Variants in SMYD3 observed in about 807,000 individuals in gnomAD.
The protein encoded by SMYD3 is SET and MYND domain containing 3.
In SMYD3, 36 loss-of-function variants were observed where a neutral mutation model predicts 57.7. The ratio of observed to expected loss-of-function variants is 0.62; its 90% CI spans 0.48 to 0.82. The LOEUF is 0.82. Among genes scored for constraint, SMYD3 ranks in the 40% least tolerant of loss-of-function variants. The pLI, the probability that SMYD3 is intolerant of heterozygous loss-of-function variation, is 0.00. For synonymous variants in SMYD3, 211 were observed against 195.0 expected, an observed-to-expected ratio of 1.08 and a Z score of -0.68; for missense variants, 515 against 538.8, an observed-to-expected ratio of 0.96 and a Z score of 0.44.
intron 5 of SMYD3, among the ~76,000 whole-genome samples, chr1:246,123,587 C>G (rs1261561833): frequency 6.7e-6 from 1 of 148,812 alleles, no homozygotes; most frequent in African/African-American, 2.5e-5. Context: ...CACACACACA[C>G]ACACACACAC....
rs113842312 is a variant in SMYD3 at position 246,059,631 on chromosome 1, G to GA, written c.532-129695dup. On this transcript the variant is annotated intron_variant, in intron 5 of 11. Coordinates refer to ENST00000490107, the MANE Select transcript of SMYD3 (RefSeq NM_001167740.2). ...GAGGCTGAGGAACAGATGGATTTAA[G>GA]AAAAAAAACCATTCCTTTCCTTTTA... Among the ~76,000 whole-genome samples the GA allele has an allele frequency of 1.7e-3, 260 of 151,612 alleles. 2 individuals carry two copies. The highest frequency in any genetic ancestry group is 6.4e-3 in the East Asian group (33 of 5,170).
chr1:245,944,880 A>G (rs4342821), intron 5 of SMYD3, among the ~76,000 whole-genome samples: 3,615 of 152,318 alleles, frequency 0.024, 68 homozygotes, highest in South Asian at 0.064. Context: ...GACAAAAGCA[A>G]TGGAGAAAGG....
At chr1:246,208,264 T>C (rs764253839) in intron 5 of SMYD3, among the ~76,000 whole-genome samples, 2 of 152,076 alleles carry the variant, frequency 1.3e-5, no homozygotes, top group Non-Finnish European at 2.9e-5. Context: ...GGCCCAGTCA[T>C]TGTGAACAAG....
chr1:245,764,176 G>A (rs1350394417), intron 10 of SMYD3, 27 bp from the exon 11 acceptor site: 1 of 1,497,996 alleles, frequency 6.7e-7, no homozygotes, highest in East Asian at 2.3e-5. Flanking sequence ...GGCAAACAGT[G>A]TCAGCAGCCC....
At position 245,752,826 on chromosome 1, in the gene SMYD3, C is replaced by G. The variant is rs2045446763; in HGVS notation, c.1186-3162G>C. Among the ~76,000 whole-genome samples the G allele has an allele frequency of 2.6e-5, 4 of 152,162 alleles. No individual in the cohort carries two copies. In the South Asian group the frequency reaches 8.3e-4, roughly 32 times the overall value. On this transcript the variant is annotated intron_variant, in intron 11 of 11. Coordinates refer to ENST00000490107, the MANE Select transcript of SMYD3 (RefSeq NM_001167740.2). The stretch of plus-strand genomic sequence containing the variant: ...GAAAGACCAGAAGGATCATCTAGTC[C>G]AATACCCTCATGTTATGGAAGGAAG...
chr1:246,415,571 T>G (rs1388172003), intron 1 of SMYD3, among the ~76,000 whole-genome samples: 17 of 152,146 alleles, frequency 1.1e-4, no homozygotes. Context: ...AAAAATTACA[T>G]AAATAAATAA....
intron 10 of SMYD3, among the ~76,000 whole-genome samples, chr1:245,775,568 A>C (rs866458502): frequency 6.6e-6 from 1 of 151,540 alleles, no homozygotes; most frequent in East Asian, 1.9e-4. Context: ...AGGGACACAA[A>C]CACTGCGGAA....
At chr1:246,432,799 T>C (rs553246400) in intron 1 of SMYD3, among the ~76,000 whole-genome samples, 1 of 152,344 alleles carries the variant, frequency 6.6e-6, no homozygotes, top group African/African-American at 2.4e-5. Flanking sequence ...AAAGCTTTTT[T>C]TAATAAGTTT....
chr1:246,361,604 A>G (rs1271755259), intron 1 of SMYD3, among the ~76,000 whole-genome samples: 1 of 152,240 alleles, frequency 6.6e-6, no homozygotes, highest in Non-Finnish European at 1.5e-5. Context: ...ACCATGGAAT[A>G]ACACTCAACC....
At chr1:246,416,233 C>T (rs2067058707) in intron 1 of SMYD3, among the ~76,000 whole-genome samples, 1 of 152,080 alleles carries the variant, frequency 6.6e-6, no homozygotes, top group Non-Finnish European at 1.5e-5. Context: ...TCTGCCCAAC[C>T]CACTCCCAAT....
At position 245,798,263 on chromosome 1, in the gene SMYD3, A is replaced by T. The variant is rs2047639906; in HGVS notation, c.1077-34114T>A. On this transcript the variant is annotated intron_variant, in intron 10 of 11. Coordinates refer to ENST00000490107, the MANE Select transcript of SMYD3 (RefSeq NM_001167740.2). Reference sequence around the variant, plus strand: ...GTGTCGAGCTGGTCTGCAGTCCCTGAGCCCCTTCCCTACCCTCAAAAGAGG... The same window carrying T: ...GTGTCGAGCTGGTCTGCAGTCCCTGTGCCCCTTCCCTACCCTCAAAAGAGG... Among the ~76,000 whole-genome samples, 3 of 151,550 alleles carry T rather than the reference A, an allele frequency of 2.0e-5. No homozygotes were observed. The South Asian group carries it at 6.3e-4, about 32-fold the overall frequency.
chr1:246,446,632 T>G (rs996564324), intron 1 of SMYD3, among the ~76,000 whole-genome samples: 2 of 152,188 alleles, frequency 1.3e-5, no homozygotes, highest in African/African-American at 2.4e-5. Flanking sequence ...ACGATTTAAA[T>G]AGGTACCATA....
intron 5 of SMYD3, chr1:245,930,498 A>G (rs1225612569): frequency 3.6e-6 from 1 of 280,150 alleles, no homozygotes; most frequent in Non-Finnish European, 6.9e-6. Flanking sequence ...CCAGGAGTCC[A>G]TCACTGGGTA....
intron 5 of SMYD3, among the ~76,000 whole-genome samples, chr1:246,117,641 C>T (rs1241036231): frequency 2.6e-5 from 4 of 152,182 alleles, no homozygotes; most frequent in African/African-American, 9.7e-5. Flanking sequence ...CTCCCTTCAA[C>T]TTAGAAACCC....
rs916133693 is a variant in SMYD3 at position 246,147,395 on chromosome 1, T to A, written c.531+179806A>T. Among the ~76,000 whole-genome samples the A allele has an allele frequency of 5.9e-5, 9 of 151,988 alleles. No individual in the cohort carries two copies. In the East Asian group the frequency reaches 1.6e-3, roughly 26 times the overall value. On this transcript the variant is annotated intron_variant, in intron 5 of 11. Coordinates refer to ENST00000490107, the MANE Select transcript of SMYD3 (RefSeq NM_001167740.2). ...GCTAGAAAACAGCCCCCATGAAGAG[T>A]ATGCCTTTATAACATGTTGAAAGTC...
intron 5 of SMYD3, among the ~76,000 whole-genome samples, chr1:246,097,186 A>C (rs2060929439): frequency 6.6e-6 from 1 of 152,192 alleles, no homozygotes; most frequent in African/African-American, 2.4e-5. Context: ...ACTTCACAGC[A>C]ATCCATTCCC....
intron 5 of SMYD3, among the ~76,000 whole-genome samples, chr1:245,951,365 C>T (rs1031376076): frequency 4.4e-5 from 6 of 135,810 alleles, no homozygotes; most frequent in African/African-American, 1.5e-4. Context: ...GTCAGGAGAT[C>T]GAGACCATCC....
At chr1:245,815,102 T>G (rs2048726914) in intron 10 of SMYD3, among the ~76,000 whole-genome samples, 1 of 152,186 alleles carries the variant, frequency 6.6e-6, no homozygotes, top group East Asian at 1.9e-4. Context: ...CCAAGGAAAA[T>G]GACTTTCAGT....
At chr1:245,756,901 T>C (rs1365007677) in intron 11 of SMYD3, among the ~76,000 whole-genome samples, 1 of 152,052 alleles carries the variant, frequency 6.6e-6, no homozygotes, top group South Asian at 2.1e-4. Context: ...CTTAGCTTCT[T>C]AAATCTACAG....
Sources: gnomAD v4.1 joint callset for allele counts (sites outside exome capture counted in the v4.1 genomes callset) on GRCh38, gnomAD v4.1.1 for gene constraint, MANE v1.5 for transcripts, NCBI Gene and HGNC (gene_info 2026-07-23, HGNC 2026-07-21) for gene names.